MROH1: variants seen among roughly 807,000 people sequenced by gnomAD.
The protein encoded by MROH1 is maestro heat like repeat family member 1, also known as maestro heat-like repeat-containing protein family member 1.
MROH1 carries 117 observed loss-of-function variants against 116.5 expected under a neutral mutation model. That is an observed-to-expected ratio of 1.00 (90% confidence interval 0.86 to 1.17). The LOEUF is 1.17. Among genes scored for constraint, MROH1 ranks in the 50% most tolerant of loss-of-function variants. The probability of loss-of-function intolerance (pLI) is 0.00; values close to 1 mark genes in which losing one functional copy is unlikely to be tolerated. For missense variants in MROH1, 1,873 were observed against 1,338.5 expected (o/e 1.40, Z -6.23); for synonymous variants, 921 against 583.9 (o/e 1.58, Z -8.32).
intron 33 of MROH1, among the ~76,000 whole-genome samples, chr8:144,253,269 C>T (rs1037823335): frequency 1.3e-5 from 2 of 152,178 alleles, no homozygotes; most frequent in Admixed American, 6.5e-5. Flanking sequence ...TTTCATGACA[C>T]GTGAAAATGA....
Position 144,260,818 on chromosome 8 carries a change from G to A in MROH1, c.4522G>A (p.Ala1508Thr). The change falls in exon 40 of 44, where the codon GCC becomes ACC. Residue 1508 changes from alanine (A) to threonine (T), a missense_variant. Transcript: ENST00000326134. ...GCTGCTGCACCTGCAGGACCCTCAG[G>A]CCACCGTGGCCAGCGTGAGTAGCCA... ...PLLLHLQDPQ[A>T]TVASACRFAL... 2 of 777,924 alleles carry A rather than the reference G, an allele frequency of 2.6e-6. No individual in the cohort carries two copies. The highest frequency in any genetic ancestry group is 4.8e-6 in the Non-Finnish European group (2 of 417,582). 48.2% of individuals were successfully genotyped at this position (777,924 alleles called of 1,614,324 possible).
At chr8:144,216,778 C>A (rs28770800) in intron 12 of MROH1, among the ~76,000 whole-genome samples, 1 of 151,370 alleles carries the variant, frequency 6.6e-6, no homozygotes, top group African/African-American at 2.4e-5. Flanking sequence ...CAACTTCCAC[C>A]TCCTGGGTTC....
At chr8:144,162,383 G>A (rs965673195) in intron 2 of MROH1, among the ~76,000 whole-genome samples, 3 of 150,376 alleles carry the variant, frequency 2.0e-5, no homozygotes, top group Non-Finnish European at 3.0e-5. Flanking sequence ...CACTGCGCCC[G>A]GCCCTGTTTT....
chr8:144,174,841 C>G (rs576350415), intron 4 of MROH1: 3 of 985,196 alleles, frequency 3.0e-6, no homozygotes, highest in African/African-American at 3.5e-5. Context: ...CCTATGTTTT[C>G]CAGTTGCATA....
At chr8:144,232,647 C>CGCACATGCGCA (rs1287885489) in intron 14 of MROH1, among the ~76,000 whole-genome samples, 18 of 151,862 alleles carry the variant, frequency 1.2e-4, no homozygotes. Flanking sequence ...GCGCACACCG[C>CGCACATGCGCA]CACGCTTGGC....
chr8:144,161,966 A>G (rs1022026638), intron 2 of MROH1, among the ~76,000 whole-genome samples: 2 of 151,916 alleles, frequency 1.3e-5, no homozygotes, highest in Non-Finnish European at 2.9e-5. Context: ...TCTGGGAAGT[A>G]TGTGCTGTGG....
chr8:144,164,816 A>G (rs1249014034), intron 3 of MROH1, among the ~76,000 whole-genome samples: 3 of 152,196 alleles, frequency 2.0e-5, no homozygotes, highest in Non-Finnish European at 2.9e-5. Flanking sequence ...GTAATTAATG[A>G]ATAATAGAAA....
At chr8:144,250,831 T>C in intron 33 of MROH1, 1 of 336,210 alleles carries the variant, frequency 3.0e-6, no homozygotes, top group South Asian at 2.4e-5. Flanking sequence ...AGGACAACCT[T>C]GTCTGTACCA....
chr8:144,195,931 A>T (rs7386541), intron 10 of MROH1, among the ~76,000 whole-genome samples: 1 of 152,128 alleles, frequency 6.6e-6, no homozygotes, highest in Non-Finnish European at 1.5e-5. Flanking sequence ...TAATTTTTAC[A>T]TTATCATTTA....
intron 14 of MROH1, among the ~76,000 whole-genome samples, chr8:144,231,834 C>T (rs1473292111): frequency 2.0e-5 from 3 of 152,202 alleles, no homozygotes; most frequent in South Asian, 2.1e-4. Context: ...GCCCCTGTGA[C>T]GTACAGTAAA....
chr8:144,169,255 T>C (rs1821802024), intron 4 of MROH1, among the ~76,000 whole-genome samples: 1 of 152,160 alleles, frequency 6.6e-6, no homozygotes, highest in South Asian at 2.1e-4. Context: ...CATTTTGGTA[T>C]GTAAAAAGGG....
In MROH1 at chr8:144,261,011, G is replaced by A. The variant is rs1246046602; in HGVS notation, c.4641G>A (p.Gly1547=). The A allele has an allele frequency of 2.1e-5, 16 of 775,274 alleles. 1 individual carries two copies. The East Asian group carries it at 2.4e-4, about 12-fold the overall frequency. The allele number at this position is 775,274 out of a possible 1,614,324, so 48.0% of individuals were successfully genotyped here. A position where few individuals can be genotyped will look rare whatever the true frequency, so the allele number is the denominator to read the frequency against. The change falls in exon 41 of 44, where the codon GGG becomes GGA. Residue 1547 remains glycine (G), a synonymous_variant. Coordinates refer to ENST00000326134, the MANE Select transcript of MROH1 (RefSeq NM_032450.3). ...HLQEGRALHF[G]EFLNTTCKHL... ...AGGAGGGCCGAGCCCTGCACTTCGG[G>A]GAGTTCCTCAACACCACCTGCAAGC...
chr8:144,245,594 G>A (rs1355850296), intron 29 of MROH1, among the ~76,000 whole-genome samples: 2 of 152,226 alleles, frequency 1.3e-5, no homozygotes, highest in South Asian at 2.1e-4. Context: ...CTTTTATCAG[G>A]AACAGGTATT....
intron 1 of MROH1, among the ~76,000 whole-genome samples, chr8:144,155,847 G>A (rs1817911736): frequency 6.6e-6 from 1 of 151,614 alleles, no homozygotes; most frequent in Admixed American, 6.6e-5. Flanking sequence ...TGGCCACACT[G>A]GTCTCGAACT....
rs143690108 is a variant in MROH1 at position 144,171,186 on chromosome 8, A to G, written c.168+2746A>G. Among the ~76,000 whole-genome samples the G allele has an allele frequency of 2.2e-4, 34 of 152,302 alleles. No individual in the cohort carries two copies. The East Asian group carries it at 6.2e-3, about 28-fold the overall frequency. ...CAGCCCTGCTTCTGATGCCAGTCGC[A>G]AGCCCCAGGTGTGGCCTGTGCTTCT... is the stretch of plus-strand genomic sequence containing the variant. On this transcript the variant is annotated intron_variant, in intron 4 of 43. Transcript: ENST00000326134.
At chr8:144,185,684 G>A (rs1430852219) in intron 7 of MROH1, among the ~76,000 whole-genome samples, 2 of 59,884 alleles carry the variant, frequency 3.3e-5, no homozygotes, top group African/African-American at 2.1e-4. Flanking sequence ...GGGGACGTGA[G>A]GGGCAGTGCG....
intron 12 of MROH1, among the ~76,000 whole-genome samples, chr8:144,211,242 T>C (rs1001289382): frequency 1.3e-5 from 2 of 152,240 alleles, no homozygotes; most frequent in African/African-American, 4.8e-5. Context: ...TCATGTGATA[T>C]GTGGTATTCT....
At chr8:144,150,074 C>G (rs1276288049) in intron 1 of MROH1, among the ~76,000 whole-genome samples, 1 of 152,116 alleles carries the variant, frequency 6.6e-6, no homozygotes, top group Non-Finnish European at 1.5e-5. Flanking sequence ...GCTATTGATT[C>G]CTGTGGCCTG....
At chr8:144,205,152 A>G (rs1202818029) in intron 12 of MROH1, among the ~76,000 whole-genome samples, 1 of 152,206 alleles carries the variant, frequency 6.6e-6, no homozygotes, top group Non-Finnish European at 1.5e-5. Context: ...GGCCTCCCAA[A>G]GTACTGGGAT....
Sources: allele counts gnomAD v4.1 joint callset (sites outside exome capture counted in the v4.1 genomes callset), GRCh38; gene constraint gnomAD v4.1.1; transcripts MANE v1.5; gene names NCBI Gene and HGNC (gene_info 2026-07-23, HGNC 2026-07-21).